Variants in TBCD observed in about 807,000 individuals in gnomAD.
The protein encoded by TBCD is tubulin-specific chaperone D.
TBCD carries 105 observed loss-of-function variants against 169.3 expected under a neutral mutation model. The ratio of observed to expected loss-of-function variants is 0.62; its 90% confidence interval spans 0.53 to 0.73. The LOEUF (loss-of-function observed/expected upper bound fraction) is 0.73, where lower values mean the gene tolerates loss of function less well. Among genes scored for constraint, TBCD ranks in the 30% least tolerant of loss-of-function variants. The probability of loss-of-function intolerance (pLI) is 0.00; values close to 1 mark genes in which losing one functional copy is unlikely to be tolerated. For missense variants in TBCD, 1,444 were observed against 1,600.1 expected, an observed-to-expected ratio of 0.90 and a Z score of 1.66; for synonymous variants, 700 against 643.9, an observed-to-expected ratio of 1.09 and a Z score of -1.32.
chr17:82,909,577 G>A (rs1361137432), intron 22 of TBCD, among the ~76,000 whole-genome samples: 3 of 147,512 alleles, frequency 2.0e-5, no homozygotes, highest in African/African-American at 7.4e-5. Context: ...GGTGTCACCC[G>A]GCCCGCTGTG....
intron 35 of TBCD, chr17:82,937,784 C>A: frequency 7.8e-7 from 1 of 1,277,688 alleles, no homozygotes; most frequent in South Asian, 1.5e-5. Flanking sequence ...AGGTGGGGGT[C>A]CTCATGGCAG....
chr17:82,879,573 G>A (rs937465309), intron 14 of TBCD, among the ~76,000 whole-genome samples: 3 of 152,110 alleles, frequency 2.0e-5, no homozygotes, highest in African/African-American at 4.8e-5. Context: ...CAAGTCTGCC[G>A]GTTCCCTCTG....
chr17:82,830,246 T>C, intron 13 of TBCD: 1 of 1,614,240 alleles, frequency 6.2e-7, no homozygotes, highest in South Asian at 1.1e-5. Context: ...CTTAGACTTG[T>C]CCTCTTTTGT....
At chr17:82,756,016 T>A in intron 1 of TBCD, 149 bp from the exon 2 acceptor site, 1 of 699,216 alleles carries the variant, frequency 1.4e-6, no homozygotes, top group Non-Finnish European at 2.5e-6. Flanking sequence ...CTGTGTGGCC[T>A]CCTTTAGTGA....
intron 6 of TBCD, among the ~76,000 whole-genome samples, chr17:82,773,419 C>T (rs1443585749): frequency 6.6e-6 from 1 of 152,138 alleles, no homozygotes; most frequent in African/African-American, 2.4e-5. Flanking sequence ...TGCTTCCTGT[C>T]TTGTCAAGGA....
At chr17:82,783,976 A>G (rs2049126193) in intron 7 of TBCD, among the ~76,000 whole-genome samples, 1 of 152,092 alleles carries the variant, frequency 6.6e-6, no homozygotes. Context: ...AATGCAAAAA[A>G]TAGCCAGGCA....
chr17:82,899,777 G>A (rs1217501303), intron 17 of TBCD, among the ~76,000 whole-genome samples: 1 of 152,198 alleles, frequency 6.6e-6, no homozygotes, highest in Non-Finnish European at 1.5e-5. Context: ...TCCCACATCT[G>A]TGCCAACGCT....
At chr17:82,812,362 T>G (rs2051509484) in intron 12 of TBCD, among the ~76,000 whole-genome samples, 1 of 152,126 alleles carries the variant, frequency 6.6e-6, no homozygotes, top group East Asian at 1.9e-4. Context: ...CCACGTGGGT[T>G]CCTTTCTGTT....
rs543101423 is a variant in TBCD at position 82,936,771 on chromosome 17, T to G, written c.3192-500T>G. Among the ~76,000 whole-genome samples, 404 of 152,314 alleles carry G rather than the reference T, an allele frequency of 2.7e-3. 1 individual carries two copies. Among genetic ancestry groups the G allele is most frequent in the African/African-American group, 8.9e-3 (370 of 41,578 alleles). The stretch of plus-strand genomic sequence containing the variant: ...GGCCTTCCAGGTGCCCTCTCAGAGC[T>G]GCTCATCAGGGCTGTGCCTTTGTCA... On this transcript the variant is annotated intron_variant, in intron 34 of 38. Coordinates refer to ENST00000355528, the MANE Select transcript of TBCD (RefSeq NM_005993.5).
In TBCD at chr17:82,889,910, G is replaced by A. The variant is rs1367805816; in HGVS notation, c.1563+213G>A. 6.6e-6 allele frequency among the ~76,000 whole-genome samples: 1 copy of A among 152,234 alleles called. No individual in the cohort carries two copies. Among genetic ancestry groups the A allele is most frequent in the Admixed American group, 6.5e-5 (1 of 15,292 alleles). Reference sequence around the variant, plus strand: ...CATGTACAGTAATTTACACACACAGGCCGGAAAGCTGTGCTTTACACGTTG... The same window carrying A: ...CATGTACAGTAATTTACACACACAGACCGGAAAGCTGTGCTTTACACGTTG... On this transcript the variant is annotated intron_variant, in intron 16 of 38. Transcript: ENST00000355528. This position sits in a 1 kb window ranked among gnomAD's most constrained non-coding sequence, Gnocchi z 5.3.
chr17:82,820,265 A>C (rs1211060152), intron 13 of TBCD, among the ~76,000 whole-genome samples: 4 of 152,232 alleles, frequency 2.6e-5, no homozygotes, highest in Non-Finnish European at 5.9e-5. Flanking sequence ...GGCGTGAGGC[A>C]CTGCGCCCAG....
At chr17:82,850,079 TGTGCTGCTGTTG>T in intron 13 of TBCD, among the ~76,000 whole-genome samples, 1 of 100,238 alleles carries the variant, frequency 1.0e-5, no homozygotes, top group South Asian at 3.6e-4. Context: ...TTGGCTGTGC[TGTGCTGCTGTTG>T]GCTGTGCTGC....
At chr17:82,899,292 CGT>C (rs898227745) in intron 17 of TBCD, among the ~76,000 whole-genome samples, 17 of 149,870 alleles carry the variant, frequency 1.1e-4, no homozygotes, top group African/African-American at 3.5e-4. Context: ...GTCCTCAGTG[CGT>C]GTGTCCTCCG....
At chr17:82,769,640 G>T (rs1392981472) in intron 5 of TBCD, among the ~76,000 whole-genome samples, 2 of 152,110 alleles carry the variant, frequency 1.3e-5, no homozygotes, top group African/African-American at 2.4e-5. Flanking sequence ...ACTTTGGGAG[G>T]CCGGGGCGGG....
chr17:82,839,093 T>G (rs2054237659), intron 13 of TBCD: 1 of 579,952 alleles, frequency 1.7e-6, no homozygotes, highest in Admixed American at 6.3e-5. Flanking sequence ...GGTTTGGTTT[T>G]GTTTTCGAAA....
chr17:82,910,998 C>T (rs559205864), intron 22 of TBCD, among the ~76,000 whole-genome samples: 1 of 152,290 alleles, frequency 6.6e-6, no homozygotes, highest in East Asian at 1.9e-4. Context: ...CTTGGCTGCT[C>T]CCACCAGTTT....
intron 37 of TBCD, 41 bp from the exon 38 acceptor site, chr17:82,941,358 G>C: frequency 6.5e-7 from 1 of 1,532,244 alleles, no homozygotes. Flanking sequence ...AGGTTCTCCG[G>C]TGGGCACTCG....
chr17:82,939,205 T>G (rs1340826132), intron 36 of TBCD, 162 bp from the exon 37 acceptor site: 9 of 657,422 alleles, frequency 1.4e-5, no homozygotes, highest in Non-Finnish European at 2.5e-5. Context: ...GGAAGGCACC[T>G]CCTCTTGGTT....
intron 14 of TBCD, among the ~76,000 whole-genome samples, chr17:82,878,531 A>G (rs57502233): frequency 0.012 from 1,572 of 126,152 alleles, 20 homozygotes; most frequent in African/African-American, 0.043. Context: ...TACTGGAAAG[A>G]GTGATGTGAG....
Sources: allele counts gnomAD v4.1 joint callset (sites outside exome capture counted in the v4.1 genomes callset), GRCh38; gene constraint gnomAD v4.1.1; non-coding constraint Gnocchi (gnomAD v3.1); transcripts MANE v1.5; gene names NCBI Gene and HGNC (gene_info 2026-07-23, HGNC 2026-07-21).